Variants in DPP6 observed in about 807,000 individuals in gnomAD.
The protein encoded by DPP6 is A-type potassium channel modulatory protein DPP6.
Under a neutral mutation model 122.6 loss-of-function variants are expected in DPP6, and 69 were observed. That is an observed-to-expected ratio of 0.56 (90% CI 0.46 to 0.69). The LOEUF (loss-of-function observed/expected upper bound fraction) is 0.69, where lower values mean the gene tolerates loss of function less well. Among genes scored for constraint, DPP6 ranks in the 30% least tolerant of loss-of-function variants. DPP6 has a pLI of 0.00. For missense variants in DPP6, 928 were observed against 1,116.9 expected, an observed-to-expected ratio of 0.83 and a Z score of 2.41; for synonymous variants, 418 against 433.1, an observed-to-expected ratio of 0.97 and a Z score of 0.43.
At chr7:154,336,774 G>A (rs898780982) in intron 1 of DPP6, among the ~76,000 whole-genome samples, 8 of 152,112 alleles carry the variant, frequency 5.3e-5, no homozygotes, top group Non-Finnish European at 8.8e-5. Context: ...TTACAGATGC[G>A]GGAAGTGGTC....
intron 1 of DPP6, among the ~76,000 whole-genome samples, chr7:154,428,484 A>T (rs539991936): frequency 3.4e-4 from 52 of 152,248 alleles, no homozygotes; most frequent in South Asian, 4.2e-4. Context: ...CAATCCAGCA[A>T]CCCCACTATT....
At chr7:153,781,276 G>A in the DPP6 span, among the ~76,000 whole-genome samples, 35 of 152,240 alleles carry the variant, frequency 2.3e-4, no homozygotes, top group African/African-American at 7.0e-4. Context: ...AGTTTCAGTC[G>A]GAGATGAGAA....
chr7:154,053,975 CTG>C (rs1800610567), intron 1 of DPP6, among the ~76,000 whole-genome samples: 1 of 148,516 alleles, frequency 6.7e-6, no homozygotes, highest in African/African-American at 2.5e-5. Flanking sequence ...AGGGAGGAAA[CTG>C]TGCTTTTTCT....
At chr7:153,784,755 C>T in the DPP6 span, among the ~76,000 whole-genome samples, 1 of 152,104 alleles carries the variant, frequency 6.6e-6, no homozygotes, top group East Asian at 1.9e-4. Flanking sequence ...GGTGGGTTTT[C>T]TTCTTCATAA....
intron 4 of DPP6, among the ~76,000 whole-genome samples, chr7:154,556,644 A>G (rs1174829645): frequency 6.6e-6 from 1 of 152,236 alleles, no homozygotes; most frequent in Non-Finnish European, 1.5e-5. Context: ...CTGAAGCTAT[A>G]AAAGATAGCC....
chr7:154,666,562 A>G (rs908669808), intron 6 of DPP6, among the ~76,000 whole-genome samples: 1 of 152,040 alleles, frequency 6.6e-6, no homozygotes, highest in Non-Finnish European at 1.5e-5. Flanking sequence ...ATTCTTATTA[A>G]CTATAATCAC....
intron 16 of DPP6, among the ~76,000 whole-genome samples, chr7:154,817,428 GTGAT>G (rs1462092971): frequency 6.6e-6 from 1 of 152,134 alleles, no homozygotes; most frequent in African/African-American, 2.4e-5. Context: ...AACATTATGA[GTGAT>G]TGATATATGA....
chr7:154,515,032 C>T (rs1826376408), intron 3 of DPP6, among the ~76,000 whole-genome samples: 1 of 152,152 alleles, frequency 6.6e-6, no homozygotes, highest in South Asian at 2.1e-4. Context: ...AAGACAAAGT[C>T]ATTTCAATGC....
intron 5 of DPP6, among the ~76,000 whole-genome samples, chr7:154,611,853 ATATG>A (rs1180559799): frequency 1.4e-5 from 2 of 147,836 alleles, no homozygotes; most frequent in Non-Finnish European, 3.0e-5. Context: ...TTGCTTTCAT[ATATG>A]TGTGTGTGTG....
chr7:154,196,466 G>T (rs1352319568), intron 1 of DPP6, among the ~76,000 whole-genome samples: 1 of 152,168 alleles, frequency 6.6e-6, no homozygotes, highest in African/African-American at 2.4e-5. Context: ...CTCCAGCCTG[G>T]GTGACAGAGC....
the DPP6 span, among the ~76,000 whole-genome samples, chr7:153,801,488 TG>T: frequency 6.6e-6 from 1 of 152,132 alleles, no homozygotes; most frequent in Admixed American, 6.5e-5. Flanking sequence ...TCTGGGTCAC[TG>T]GTCAAGCTGC....
At chr7:153,842,496 C>T in the DPP6 span, among the ~76,000 whole-genome samples, 1 of 151,624 alleles carries the variant, frequency 6.6e-6, no homozygotes, top group Non-Finnish European at 1.5e-5. Flanking sequence ...CAATCTTTTC[C>T]TTTATGGCTT....
the DPP6 span, among the ~76,000 whole-genome samples, chr7:153,824,719 G>A: frequency 1.3e-3 from 204 of 152,046 alleles, no homozygotes; most frequent in Middle Eastern, 3.4e-3. Context: ...AAAGATGTAA[G>A]TATTGGAATG....
At chr7:153,751,688 G>A in the DPP6 span, among the ~76,000 whole-genome samples, 6 of 152,224 alleles carry the variant, frequency 3.9e-5, no homozygotes, top group South Asian at 6.2e-4. Flanking sequence ...ACAAACTTAA[G>A]TTTTACAGAA....
chr7:154,034,033 A>G (rs1799390793), intron 1 of DPP6, among the ~76,000 whole-genome samples: 1 of 152,202 alleles, frequency 6.6e-6, no homozygotes, highest in South Asian at 2.1e-4. Context: ...AGATGATTTT[A>G]CTGTGAACGA....
intron 1 of DPP6, among the ~76,000 whole-genome samples, chr7:154,382,065 T>C (rs1586114259): frequency 1.1e-5 from 1 of 91,320 alleles, no homozygotes; most frequent in East Asian, 3.5e-4. Context: ...AACCCCCCTT[T>C]TTTTTTCCTT....
At chr7:154,645,964 C>A (rs1448137134) in intron 6 of DPP6, among the ~76,000 whole-genome samples, 1 of 133,888 alleles carries the variant, frequency 7.5e-6, no homozygotes, top group Non-Finnish European at 1.5e-5. Context: ...GGAGGTGGAG[C>A]TTGCAGTGAG....
intron 1 of DPP6, among the ~76,000 whole-genome samples, chr7:154,169,135 T>C (rs1400541035): frequency 6.6e-6 from 1 of 152,134 alleles, no homozygotes; most frequent in African/African-American, 2.4e-5. Flanking sequence ...AGACAATCAG[T>C]TGCTATTCTG....
chr7:154,563,218 G>A (rs1276344944), intron 4 of DPP6, among the ~76,000 whole-genome samples: 1 of 152,234 alleles, frequency 6.6e-6, no homozygotes, highest in African/African-American at 2.4e-5. Flanking sequence ...GAGTTGCAAA[G>A]GCCTTGAGAA....
Sources: gnomAD v4.1 joint callset for allele counts (sites outside exome capture counted in the v4.1 genomes callset) on GRCh38, gnomAD v4.1.1 for gene constraint, MANE v1.5 for transcripts, NCBI Gene and HGNC (gene_info 2026-07-23, HGNC 2026-07-21) for gene names.